Variants in PIK3C2G observed in about 807,000 individuals in gnomAD.
PIK3C2G encodes the protein phosphatidylinositol 3-kinase C2 domain-containing subunit gamma.
Under a neutral mutation model 181.1 loss-of-function variants are expected in PIK3C2G, and 168 were observed. That is an observed-to-expected ratio of 0.93 (90% CI 0.82 to 1.05). The LOEUF is 1.05. PIK3C2G is among the 50% of genes least tolerant of loss of function. The pLI is 0.00. For synonymous variants in PIK3C2G, 573 were observed against 592.2 expected (o/e 0.97, Z 0.47); for missense variants, 1,869 against 1,732.8 (o/e 1.08, Z -1.40).
At chr12:18,367,570 T>C (rs1941729326) in intron 12 of PIK3C2G, among the ~76,000 whole-genome samples, 1 of 152,166 alleles carries the variant, frequency 6.6e-6, no homozygotes, top group African/African-American at 2.4e-5. Flanking sequence ...TTTATTTTTT[T>C]TGAGATGGAG....
At chr12:18,365,633 T>C (rs573951006) in intron 12 of PIK3C2G, among the ~76,000 whole-genome samples, 3 of 152,304 alleles carry the variant, frequency 2.0e-5, no homozygotes, top group African/African-American at 7.2e-5. Context: ...CCCAGACTGA[T>C]TATGATCTTA....
downstream of PIK3C2G, among the ~76,000 whole-genome samples, chr12:18,649,070 T>A (rs1027389993): frequency 6.6e-6 from 1 of 152,144 alleles, no homozygotes; most frequent in Non-Finnish European, 1.5e-5. Flanking sequence ...TACGTGATCA[T>A]GCAAGTCAAG....
the PIK3C2G span, among the ~76,000 whole-genome samples, chr12:18,686,545 T>A: frequency 6.6e-6 from 1 of 151,972 alleles, no homozygotes; most frequent in Non-Finnish European, 1.5e-5. Context: ...AATTGTATTT[T>A]CTTCATATTT....
At chr12:18,422,226 G>A (rs1336727161) in intron 17 of PIK3C2G, among the ~76,000 whole-genome samples, 1 of 151,484 alleles carries the variant, frequency 6.6e-6, no homozygotes, top group Non-Finnish European at 1.5e-5. Context: ...ATACACAGAA[G>A]GCAAAATTAA....
the PIK3C2G span, among the ~76,000 whole-genome samples, chr12:18,721,246 C>A: frequency 6.6e-6 from 1 of 152,004 alleles, no homozygotes; most frequent in Non-Finnish European, 1.5e-5. Flanking sequence ...AAGGATTAAT[C>A]ACATGGATTT....
At chr12:18,700,045 T>C in the PIK3C2G span, 1 of 1,012,810 alleles carries the variant, frequency 9.9e-7, no homozygotes, top group Non-Finnish European at 1.5e-6. Context: ...AACAAATGAT[T>C]TTCATCTTTT....
intron 16 of PIK3C2G, among the ~76,000 whole-genome samples, chr12:18,407,951 C>A (rs1944633967): frequency 1.3e-5 from 2 of 152,082 alleles, no homozygotes; most frequent in Admixed American, 6.5e-5. Flanking sequence ...ATGTTGAGGA[C>A]TTCTAAAGCA....
chr12:18,656,493 A>C, the PIK3C2G span, among the ~76,000 whole-genome samples: 1 of 152,140 alleles, frequency 6.6e-6, no homozygotes, highest in Non-Finnish European at 1.5e-5. Context: ...TGAACCCAGG[A>C]GAAGGAGGTT....
At chr12:18,615,624 CT>C (rs915825778) in intron 31 of PIK3C2G, among the ~76,000 whole-genome samples, 2 of 151,806 alleles carry the variant, frequency 1.3e-5, no homozygotes, top group East Asian at 1.9e-4. Context: ...GGTAGCTCTA[CT>C]TTTTTTCTAT....
At position 18,273,768 on chromosome 12, in the gene PIK3C2G, C is replaced by T. The variant is rs562949277; in HGVS notation, c.-78-8236C>T. ...GGCAAGGACTCCATGTCTAAAACAC[C>T]AAAAGCAATGGCAACAAAAGCCAAA... On this transcript the variant is annotated intron_variant, in intron 1 of 32. Transcript: ENST00000538779. Among the ~76,000 whole-genome samples, 7 of 152,132 alleles carry T rather than the reference C, an allele frequency of 4.6e-5. No individual in the cohort carries two copies. In the South Asian group the frequency reaches 1.5e-3, roughly 32 times the overall value.
At chr12:18,528,267 A>G (rs1410512823) in intron 24 of PIK3C2G, among the ~76,000 whole-genome samples, 2 of 152,192 alleles carry the variant, frequency 1.3e-5, no homozygotes, top group Non-Finnish European at 2.9e-5. Context: ...TGTGATATCA[A>G]GAACAGTATA....
intron 16 of PIK3C2G, among the ~76,000 whole-genome samples, chr12:18,407,019 G>A (rs1222081170): frequency 6.6e-6 from 1 of 151,976 alleles, no homozygotes; most frequent in African/African-American, 2.4e-5. Context: ...GAATGACCTT[G>A]GACAAGTTTA....
chr12:18,276,468 T>C (rs1038498156), intron 1 of PIK3C2G, among the ~76,000 whole-genome samples: 12 of 152,144 alleles, frequency 7.9e-5, no homozygotes, highest in African/African-American at 2.9e-4. Context: ...GGTCTCAAGA[T>C]CCTGCACAAA....
chr12:18,523,424 G>T (rs1253576301), intron 24 of PIK3C2G, among the ~76,000 whole-genome samples: 2 of 152,268 alleles, frequency 1.3e-5, no homozygotes, highest in Middle Eastern at 3.4e-3. Flanking sequence ...CTAGAATTCT[G>T]GTTGGGCCAG....
intron 29 of PIK3C2G, among the ~76,000 whole-genome samples, chr12:18,583,588 C>T (rs1946615245): frequency 6.6e-6 from 1 of 152,082 alleles, no homozygotes; most frequent in South Asian, 2.1e-4. Context: ...GGTCCAGACC[C>T]CCAGCACAGA....
intron 18 of PIK3C2G, among the ~76,000 whole-genome samples, chr12:18,475,479 G>A (rs1938898613): frequency 6.7e-6 from 1 of 148,682 alleles, no homozygotes; most frequent in Admixed American, 6.8e-5. Flanking sequence ...AAATGACATG[G>A]CTTATCTGAT....
chr12:18,687,938 G>A, the PIK3C2G span: 853 of 882,044 alleles, frequency 9.7e-4, 3 homozygotes, highest in African/African-American at 0.011. Context: ...AAATGTTTTT[G>A]TTGCATATAA....
the PIK3C2G span, chr12:18,693,383 G>C: frequency 1.2e-6 from 2 of 1,604,222 alleles, no homozygotes; most frequent in Non-Finnish European, 1.7e-6. Flanking sequence ...AATCTGTGGA[G>C]CTTCCTCTCA....
chr12:18,266,325 A>C (rs983119361), intron 1 of PIK3C2G, among the ~76,000 whole-genome samples: 7 of 152,168 alleles, frequency 4.6e-5, no homozygotes, highest in Admixed American at 1.3e-4. Flanking sequence ...CTTTTAAAAA[A>C]GCATTGATAG....
Sources: gnomAD v4.1 joint callset for allele counts (sites outside exome capture counted in the v4.1 genomes callset) on GRCh38, gnomAD v4.1.1 for gene constraint, MANE v1.5 for transcripts, NCBI Gene and HGNC (gene_info 2026-07-23, HGNC 2026-07-21) for gene names.